Variants in APBB1IP observed in about 807,000 individuals in gnomAD.
APBB1IP encodes the protein amyloid beta A4 precursor protein-binding family B member 1-interacting protein.
In APBB1IP, 27 loss-of-function variants were observed where a neutral mutation model predicts 64.9. That is an observed-to-expected ratio of 0.42 (90% CI 0.31 to 0.57). The LOEUF (loss-of-function observed/expected upper bound fraction) is 0.57, where lower values mean the gene tolerates loss of function less well. Ranked by LOEUF, APBB1IP falls within the 20% of genes least tolerant of loss-of-function variation. The pLI is 0.20. For missense variants in APBB1IP, 812 were observed against 845.5 expected, an observed-to-expected ratio of 0.96 and a Z score of 0.49; for synonymous variants, 392 against 331.0, an observed-to-expected ratio of 1.18 and a Z score of -2.00.
At chr10:26,532,162 AT>A (rs1836562816) in intron 8 of APBB1IP, among the ~76,000 whole-genome samples, 2 of 152,132 alleles carry the variant, frequency 1.3e-5, no homozygotes, top group African/African-American at 4.8e-5. Flanking sequence ...AGGGTCCTTA[AT>A]TTAGTCACAG....
At chr10:26,557,528 T>C (rs1836909175) in intron 11 of APBB1IP, among the ~76,000 whole-genome samples, 1 of 152,228 alleles carries the variant, frequency 6.6e-6, no homozygotes, top group Admixed American at 6.5e-5. Flanking sequence ...TCTGAATTTT[T>C]CCGTAGTCTC....
chr10:26,549,210 T>C (rs560189566), intron 11 of APBB1IP, among the ~76,000 whole-genome samples: 1 of 152,350 alleles, frequency 6.6e-6, no homozygotes. Context: ...TTAAATATGC[T>C]ATTTAATTTG....
rs544808690 is a variant in APBB1IP, at chr10:26,567,635, A to G, written c.*147A>G. The G allele has an allele frequency of 1.0e-4, 141 of 1,415,940 alleles. No individual in the cohort carries two copies. In the African/African-American group the frequency reaches 1.7e-3, roughly 18 times the overall value. The allele number at this position is 1,415,940 out of a possible 1,614,324, so 87.7% of individuals were successfully genotyped here. On this transcript the variant is annotated 3_prime_UTR_variant, in exon 15 of 15. Coordinates refer to ENST00000376236, the MANE Select transcript of APBB1IP (RefSeq NM_019043.4). Reference sequence around the variant, plus strand: ...GATGTGCTCAAGTACAGGCATAACCATTAACCCAGTAGAGTTCAGAATATC... The same window carrying G: ...GATGTGCTCAAGTACAGGCATAACCGTTAACCCAGTAGAGTTCAGAATATC...
chr10:26,489,067 C>T (rs1316117526), intron 2 of APBB1IP, among the ~76,000 whole-genome samples: 1 of 152,240 alleles, frequency 6.6e-6, no homozygotes, highest in East Asian at 1.9e-4. Context: ...TACAACTTCC[C>T]ATGCTCCTGC....
At chr10:26,453,763 C>G (rs1835491176) in intron 2 of APBB1IP, among the ~76,000 whole-genome samples, 1 of 152,128 alleles carries the variant, frequency 6.6e-6, no homozygotes, top group African/African-American at 2.4e-5. Context: ...AAGGAAATAC[C>G]AATCAATACC....
At chr10:26,473,701 T>C (rs906101938) in intron 2 of APBB1IP, among the ~76,000 whole-genome samples, 2 of 152,090 alleles carry the variant, frequency 1.3e-5, no homozygotes, top group Non-Finnish European at 2.9e-5. Context: ...AGCACTAAAA[T>C]ATAGAAACAT....
chr10:26,444,688 T>C (rs1474155867), intron 2 of APBB1IP, among the ~76,000 whole-genome samples: 1 of 152,182 alleles, frequency 6.6e-6, no homozygotes, highest in African/African-American at 2.4e-5. Flanking sequence ...GTGCTTATTA[T>C]ATATAAGGCT....
rs561565093 is a variant in APBB1IP at position 26,534,683 on chromosome 10, C to T, written c.900+1158C>T. ...AAGCAGCTACCAGAACCAGCTGCCA[C>T]CCCCCAGATGCTGAGCTCAGGTGTT... On this transcript the variant is annotated intron_variant, in intron 9 of 14. Transcript: ENST00000376236. 1.2e-3 allele frequency among the ~76,000 whole-genome samples: 189 copies of T among 152,278 alleles called. 1 individual carries two copies. Among genetic ancestry groups the T allele is most frequent in the Middle Eastern group, 3.4e-3 (1 of 294 alleles).
intron 11 of APBB1IP, among the ~76,000 whole-genome samples, chr10:26,546,162 C>T (rs990285297): frequency 6.6e-6 from 1 of 152,182 alleles, no homozygotes; most frequent in African/African-American, 2.4e-5. Flanking sequence ...GCGTCCAGCC[C>T]TTCTTTTGAT....
chr10:26,465,994 C>A (rs1047646049), intron 2 of APBB1IP, among the ~76,000 whole-genome samples: 5 of 152,170 alleles, frequency 3.3e-5, no homozygotes, highest in South Asian at 4.1e-4. Flanking sequence ...TCAGGAATTC[C>A]GACAGTCCAC....
chr10:26,510,569 C>G (rs1422485294), intron 6 of APBB1IP, among the ~76,000 whole-genome samples: 2 of 151,896 alleles, frequency 1.3e-5, no homozygotes, highest in Non-Finnish European at 2.9e-5. Context: ...CTTGCCTCTA[C>G]AAAAAAATGA....
At chr10:26,440,310 G>A (rs1241512430) in intron 2 of APBB1IP, among the ~76,000 whole-genome samples, 1 of 152,130 alleles carries the variant, frequency 6.6e-6, no homozygotes, top group Non-Finnish European at 1.5e-5. Context: ...CAATTGAGGA[G>A]TTGCTATAAT....
chr10:26,536,319 C>A, intron 10 of APBB1IP, 102 bp downstream of exon 10: 1 of 1,296,512 alleles, frequency 7.7e-7, no homozygotes, highest in Non-Finnish European at 1.0e-6. Flanking sequence ...TCTGTTGCTG[C>A]AGATTCCATA....
At chr10:26,547,830 G>A (rs1166267107) in intron 11 of APBB1IP, among the ~76,000 whole-genome samples, 1 of 152,186 alleles carries the variant, frequency 6.6e-6, no homozygotes, top group Admixed American at 6.5e-5. Context: ...CGCTTTGCAT[G>A]TAGATATCCA....
intron 2 of APBB1IP, among the ~76,000 whole-genome samples, chr10:26,470,007 G>C (rs557314182): frequency 1.4e-4 from 21 of 152,272 alleles, no homozygotes; most frequent in Middle Eastern, 6.8e-3. Context: ...CAGGGGCCAG[G>C]TTGTTCCTCT....
chr10:26,472,100 G>A (rs562804252), intron 2 of APBB1IP, among the ~76,000 whole-genome samples: 1 of 152,284 alleles, frequency 6.6e-6, no homozygotes, highest in South Asian at 2.1e-4. Context: ...GGTGGGGGCT[G>A]CGGGGGGAAG....
chr10:26,440,571 G>A lies in APBB1IP; in HGVS notation c.-1+1718G>A, dbSNP rs993843608. Among the ~76,000 whole-genome samples, 3 of 152,044 alleles carry A rather than the reference G, an allele frequency of 2.0e-5. No homozygotes were observed. The East Asian group carries it at 5.8e-4, about 29-fold the overall frequency. The stretch of plus-strand genomic sequence containing the variant: ...ATAAGAAACAGCCCAAACTTGAACA[G>A]GTCAATATTATATTTTGAAATCTTT... On this transcript the variant is annotated intron_variant, in intron 2 of 14. Transcript: ENST00000376236.
At chr10:26,451,641 A>G (rs1308442065) in intron 2 of APBB1IP, among the ~76,000 whole-genome samples, 5 of 152,170 alleles carry the variant, frequency 3.3e-5, no homozygotes, top group Non-Finnish European at 7.4e-5. Context: ...ACCCTTTTTC[A>G]GGAGATGTGG....
chr10:26,501,713 T>C (rs921462511), intron 5 of APBB1IP: 1 of 152,776 alleles, frequency 6.5e-6, no homozygotes, highest in Non-Finnish European at 1.5e-5. Context: ...ATAGTATGTC[T>C]CTCATAAAAG....
Sources: allele counts gnomAD v4.1 joint callset (sites outside exome capture counted in the v4.1 genomes callset), GRCh38; gene constraint gnomAD v4.1.1; transcripts MANE v1.5; gene names NCBI Gene and HGNC (gene_info 2026-07-23, HGNC 2026-07-21).